MAPK14: variants seen among roughly 807,000 people sequenced by gnomAD.
MAPK14 encodes mitogen-activated protein kinase 14.
MAPK14 carries 16 observed loss-of-function variants against 49.6 expected under a neutral mutation model. The ratio of observed to expected loss-of-function variants is 0.32; its 90% CI spans 0.22 to 0.49. MAPK14 has a LOEUF of 0.49. Ranked by LOEUF, MAPK14 falls within the 20% of genes least tolerant of loss-of-function variation. MAPK14 has a pLI of 0.99. For missense variants in MAPK14, 200 were observed against 441.2 expected, an observed-to-expected ratio of 0.45 and a Z score of 4.90; for synonymous variants, 142 against 158.0, an observed-to-expected ratio of 0.90 and a Z score of 0.76.
chr6:36,062,982 T>A (rs776884342), intron 3 of MAPK14, among the ~76,000 whole-genome samples: 1 of 152,170 alleles, frequency 6.6e-6, no homozygotes, highest in Admixed American at 6.5e-5. Flanking sequence ...AATCATGTGA[T>A]ACGTGTATTT....
chr6:36,062,987 G>T (rs1267840959), intron 3 of MAPK14, among the ~76,000 whole-genome samples: 4 of 152,036 alleles, frequency 2.6e-5, no homozygotes, highest in African/African-American at 7.2e-5. Flanking sequence ...TGTGATACGT[G>T]TATTTGTCCC....
At chr6:36,072,244 A>G (rs1764330502) in intron 3 of MAPK14, among the ~76,000 whole-genome samples, 1 of 152,082 alleles carries the variant, frequency 6.6e-6, no homozygotes, top group African/African-American at 2.4e-5. Flanking sequence ...AGGCTGAGGT[A>G]GGAGGATCAC....
rs1327131020 is a variant in MAPK14, at chr6:36,085,497, G to A, written c.682+8889G>A. Among the ~76,000 whole-genome samples, 2 of 152,168 alleles carry A rather than the reference G, an allele frequency of 1.3e-5. 1 individual carries two copies. ...GGAAAATTTACCAAGCAAATGGAAAGCAGAAAAAAGCAGGGGTTGCAATCC... is the reference window on the plus strand; with the variant it reads ...GGAAAATTTACCAAGCAAATGGAAAACAGAAAAAAGCAGGGGTTGCAATCC... On this transcript the variant is annotated intron_variant, in intron 8 of 11. Transcript: ENST00000229794.
At chr6:36,074,119 A>G (rs201069336) in intron 6 of MAPK14, 23 bp downstream of exon 6, 1 of 1,600,454 alleles carries the variant, frequency 6.2e-7, no homozygotes. Flanking sequence ...GACAGTATTC[A>G]TTGTTTGCTT....
intron 3 of MAPK14, among the ~76,000 whole-genome samples, chr6:36,070,048 A>T (rs1045897472): frequency 6.6e-6 from 1 of 152,184 alleles, no homozygotes; most frequent in Non-Finnish European, 1.5e-5. Context: ...TTATGCATCA[A>T]TTTAGGGTTA....
intron 3 of MAPK14, among the ~76,000 whole-genome samples, chr6:36,070,559 ATTTCTTAAAACG>A (rs1444519984): frequency 6.6e-6 from 1 of 152,192 alleles, no homozygotes; most frequent in African/African-American, 2.4e-5. Context: ...AGATTGGAAC[ATTTCTTAAAACG>A]TTTCAGTCTC....
At position 36,045,549 on chromosome 6, in the gene MAPK14, C is replaced by T. The variant is rs373336522; in HGVS notation, c.117-7150C>T. On this transcript the variant is annotated intron_variant, in intron 1 of 11. Coordinates refer to ENST00000229794, the MANE Select transcript of MAPK14 (RefSeq NM_139012.3). ...TCTGGCCGGGTGTGGTGGCTCACGC[C>T]TGTAATCCCAGCCCTTTGGGAGGCT... Among the ~76,000 whole-genome samples, 152 of 152,242 alleles carry T rather than the reference C, an allele frequency of 1.0e-3. 1 individual carries two copies. The highest frequency in any genetic ancestry group is 3.5e-3 in the African/African-American group (146 of 41,524).
chr6:36,099,383 G>T (rs566683516), intron 9 of MAPK14, among the ~76,000 whole-genome samples: 1 of 152,316 alleles, frequency 6.6e-6, no homozygotes, highest in South Asian at 2.1e-4. Flanking sequence ...GCTTACATAT[G>T]TGCCTATACA....
At chr6:36,076,672 C>T (rs1213012358) in intron 8 of MAPK14, 64 bp downstream of exon 8, 3 of 1,208,202 alleles carry the variant, frequency 2.5e-6, no homozygotes, top group Admixed American at 1.8e-5. Flanking sequence ...TGGGTGTATA[C>T]TCCTTTTACT....
At chr6:36,080,454 T>G (rs1764710506) in intron 8 of MAPK14, among the ~76,000 whole-genome samples, 1 of 152,242 alleles carries the variant, frequency 6.6e-6, no homozygotes, top group African/African-American at 2.4e-5. Context: ...AGAATCATAT[T>G]ATACTGTATT....
chr6:36,033,786 C>T (rs1725927801), intron 1 of MAPK14, among the ~76,000 whole-genome samples: 1 of 152,202 alleles, frequency 6.6e-6, no homozygotes, highest in Non-Finnish European at 1.5e-5. Context: ...TATTGCTGAG[C>T]CCCTGGGGCC....
intron 2 of MAPK14, among the ~76,000 whole-genome samples, chr6:36,055,153 C>T (rs900669791): frequency 6.6e-6 from 1 of 152,218 alleles, no homozygotes; most frequent in South Asian, 2.1e-4. Flanking sequence ...TCGTTAACAC[C>T]TGCTCTAAGG....
chr6:36,042,988 G>C (rs1009418762), intron 1 of MAPK14, among the ~76,000 whole-genome samples: 1 of 151,978 alleles, frequency 6.6e-6, no homozygotes, highest in Non-Finnish European at 1.5e-5. Context: ...GCCAGGCGTC[G>C]TGGTGTGCCT....
chr6:36,032,181 C>T (rs1052593528), intron 1 of MAPK14, among the ~76,000 whole-genome samples: 5 of 152,010 alleles, frequency 3.3e-5, no homozygotes, highest in Non-Finnish European at 7.4e-5. Context: ...TTTTATTGCT[C>T]TAAAGTGTGG....
chr6:36,072,076 G>C (rs1403338838), intron 3 of MAPK14, among the ~76,000 whole-genome samples: 1 of 152,078 alleles, frequency 6.6e-6, no homozygotes, highest in Non-Finnish European at 1.5e-5. Flanking sequence ...GGTAGTTAAA[G>C]TTAGAATAGT....
chr6:36,104,538 C>T (rs1041224151), intron 10 of MAPK14, among the ~76,000 whole-genome samples: 4 of 152,044 alleles, frequency 2.6e-5, no homozygotes, highest in Admixed American at 2.6e-4. Context: ...CAAGTGTGTG[C>T]CACCACACCT....
At chr6:36,039,094 C>G (rs1762857239) in intron 1 of MAPK14, among the ~76,000 whole-genome samples, 1 of 152,112 alleles carries the variant, frequency 6.6e-6, no homozygotes, top group Non-Finnish European at 1.5e-5. Context: ...CTCTGTTAAA[C>G]TTAAATATAT....
At chr6:36,087,572 A>T (rs1765038329) in intron 8 of MAPK14, among the ~76,000 whole-genome samples, 1 of 152,184 alleles carries the variant, frequency 6.6e-6, no homozygotes, top group African/African-American at 2.4e-5. Context: ...TATAGCTATT[A>T]ATAACAAGGG....
chr6:36,030,515 G>A (rs1227518379), intron 1 of MAPK14, among the ~76,000 whole-genome samples: 1 of 151,740 alleles, frequency 6.6e-6, no homozygotes, highest in African/African-American at 2.4e-5. Context: ...GTGAAACCCC[G>A]TCTCTACTAA....
Sources: gnomAD v4.1 joint callset for allele counts (sites outside exome capture counted in the v4.1 genomes callset) on GRCh38, gnomAD v4.1.1 for gene constraint, MANE v1.5 for transcripts, NCBI Gene and HGNC (gene_info 2026-07-23, HGNC 2026-07-21) for gene names.